The following CNTNAP5 variants were observed in gnomAD, a reference collection of about 807,000 sequenced individuals.
The protein encoded by CNTNAP5 is contactin associated protein family member 5, also known as contactin-associated protein-like 5.
Under a neutral mutation model 150.2 loss-of-function variants are expected in CNTNAP5, and 72 were observed. The ratio of observed to expected loss-of-function variants is 0.48; its 90% confidence interval spans 0.40 to 0.58. The LOEUF (loss-of-function observed/expected upper bound fraction) is 0.58. Ranked by LOEUF, CNTNAP5 falls within the 20% of genes least tolerant of loss-of-function variation. The probability of loss-of-function intolerance (pLI) is 0.00; values close to 1 mark genes in which losing one functional copy is unlikely to be tolerated. For missense variants in CNTNAP5, 1,636 were observed against 1,626.2 expected (o/e 1.01, Z -0.10); for synonymous variants, 672 against 619.8 (o/e 1.08, Z -1.25).
chr2:124,555,053 T>C (rs1224987694), intron 10 of CNTNAP5, among the ~76,000 whole-genome samples: 1 of 152,222 alleles, frequency 6.6e-6, no homozygotes, highest in Non-Finnish European at 1.5e-5. Context: ...TGTCAACTGA[T>C]ACTGAGTCTT....
chr2:124,323,965 A>C lies in CNTNAP5; in HGVS notation c.381+81572A>C, dbSNP rs140662402. Among the ~76,000 whole-genome samples, 5 of 152,188 alleles carry C rather than the reference A, an allele frequency of 3.3e-5. No homozygotes were observed. The East Asian group carries it at 9.7e-4, about 29-fold the overall frequency. ...TTAGAGACAGAGAGAAAAGAAGGAG[A>C]AAGTATTTGTGTTAGGTTCTGGGAG... On this transcript the variant is annotated intron_variant, in intron 3 of 23. Coordinates refer to ENST00000682447, the MANE Select transcript of CNTNAP5 (RefSeq NM_001367498.1).
At chr2:124,431,340 A>C (rs1410514540) in intron 4 of CNTNAP5, among the ~76,000 whole-genome samples, 1 of 152,020 alleles carries the variant, frequency 6.6e-6, no homozygotes. Flanking sequence ...TTTGGAATTC[A>C]GTACTTGACC....
chr2:124,318,534 A>C (rs1457758383), intron 3 of CNTNAP5, among the ~76,000 whole-genome samples: 1 of 152,204 alleles, frequency 6.6e-6, no homozygotes, highest in East Asian at 1.9e-4. Context: ...TATCATTTTT[A>C]AGGAATGTCT....
chr2:124,309,524 C>T (rs560100135), intron 3 of CNTNAP5, among the ~76,000 whole-genome samples: 35 of 152,236 alleles, frequency 2.3e-4, no homozygotes, highest in African/African-American at 8.4e-4. Context: ...TCTTCAAAGC[C>T]AGCAGTTACA....
intron 7 of CNTNAP5, among the ~76,000 whole-genome samples, chr2:124,491,031 TA>T (rs1340294486): frequency 6.6e-6 from 1 of 152,100 alleles, no homozygotes; most frequent in Non-Finnish European, 1.5e-5. Flanking sequence ...AATTGAAAAA[TA>T]AAGATAGTAT....
At chr2:124,718,229 T>C (rs1303275207) in intron 13 of CNTNAP5, among the ~76,000 whole-genome samples, 1 of 152,192 alleles carries the variant, frequency 6.6e-6, no homozygotes, top group Non-Finnish European at 1.5e-5. Flanking sequence ...AGATAAAGTA[T>C]TATTATTCAT....
chr2:124,272,593 G>A (rs1007038143), intron 3 of CNTNAP5, among the ~76,000 whole-genome samples: 3 of 152,156 alleles, frequency 2.0e-5, no homozygotes, highest in African/African-American at 7.2e-5. Context: ...TTGCACAGAA[G>A]AGGAAGAAGG....
chr2:124,862,581 C>T (rs1222941959), intron 19 of CNTNAP5, among the ~76,000 whole-genome samples: 1 of 152,180 alleles, frequency 6.6e-6, no homozygotes, highest in Admixed American at 6.5e-5. Context: ...GACAAATAGA[C>T]ATGGCAATGC....
intron 3 of CNTNAP5, among the ~76,000 whole-genome samples, chr2:124,298,331 A>G (rs1328931813): frequency 6.6e-6 from 1 of 152,118 alleles, no homozygotes; most frequent in Non-Finnish European, 1.5e-5. Flanking sequence ...CAAAAATGAG[A>G]TGAAGATGAG....
chr2:124,691,701 C>G (rs895212121), intron 13 of CNTNAP5, among the ~76,000 whole-genome samples: 1 of 152,014 alleles, frequency 6.6e-6, no homozygotes. Context: ...TCATTCCATG[C>G]GCTCAGTGGT....
At chr2:124,260,334 A>G (rs1311847626) in intron 3 of CNTNAP5, among the ~76,000 whole-genome samples, 1 of 152,230 alleles carries the variant, frequency 6.6e-6, no homozygotes, top group Non-Finnish European at 1.5e-5. Context: ...CTGAAACTGG[A>G]TCCCTTCCTT....
rs191186252 is a variant in CNTNAP5 at position 124,402,940 on chromosome 2, C to T, written c.382-14503C>T. On this transcript the variant is annotated intron_variant, in intron 3 of 23. Transcript: ENST00000682447. ...AACGCCTGTCTGAAATCCATTTTTG[C>T]GCTGCTCTGAATAGCAGTTTGGAAC... Among the ~76,000 whole-genome samples, 23 of 152,264 alleles carry T rather than the reference C, an allele frequency of 1.5e-4. No homozygotes were observed. The East Asian group carries it at 2.1e-3, about 14-fold the overall frequency.
At chr2:124,653,944 G>C (rs1481264873) in intron 13 of CNTNAP5, among the ~76,000 whole-genome samples, 1 of 114,270 alleles carries the variant, frequency 8.8e-6, no homozygotes, top group Non-Finnish European at 1.6e-5. Flanking sequence ...CACAATCAGT[G>C]CATGTTGAAA....
chr2:124,423,652 C>CCTT (rs1692167581), intron 4 of CNTNAP5, among the ~76,000 whole-genome samples: 5 of 41,594 alleles, frequency 1.2e-4, no homozygotes, highest in Non-Finnish European at 2.0e-4. Flanking sequence ...GGCTAATTAA[C>CCTT]TTTTTTTTTT....
intron 1 of CNTNAP5, among the ~76,000 whole-genome samples, chr2:124,038,956 G>A (rs1252374828): frequency 6.6e-6 from 1 of 152,194 alleles, no homozygotes; most frequent in Non-Finnish European, 1.5e-5. Context: ...ATTGGTCCGG[G>A]AGCTGATGTC....
chr2:124,316,558 C>A (rs1211664094), intron 3 of CNTNAP5, among the ~76,000 whole-genome samples: 1 of 152,028 alleles, frequency 6.6e-6, no homozygotes, highest in Non-Finnish European at 1.5e-5. Context: ...GTAATCCCAG[C>A]ACTTTGGGAG....
At chr2:124,371,081 TCCAGATATAAGGAGGGTACCTCTCA>T (rs1690513965) in intron 3 of CNTNAP5, among the ~76,000 whole-genome samples, 1 of 152,124 alleles carries the variant, frequency 6.6e-6, no homozygotes, top group African/African-American at 2.4e-5. Flanking sequence ...GCTACTGTCC[TCCAGATATAAGGAGGGTACCTCTCA>T]CATAAGTGTC....
At chr2:124,530,648 G>A (rs534832809) in intron 10 of CNTNAP5, among the ~76,000 whole-genome samples, 76 of 152,194 alleles carry the variant, frequency 5.0e-4, no homozygotes, top group Non-Finnish European at 8.8e-4. Context: ...CTGGAAGCAG[G>A]AAGGTGTTGG....
At chr2:124,741,593 T>C (rs984769858) in intron 13 of CNTNAP5, among the ~76,000 whole-genome samples, 3 of 152,200 alleles carry the variant, frequency 2.0e-5, no homozygotes, top group African/African-American at 7.2e-5. Context: ...ATAAAACATA[T>C]ATATTTTCTC....
Sources: gnomAD v4.1 joint callset for allele counts (sites outside exome capture counted in the v4.1 genomes callset) on GRCh38, gnomAD v4.1.1 for gene constraint, MANE v1.5 for transcripts, NCBI Gene and HGNC (gene_info 2026-07-23, HGNC 2026-07-21) for gene names.